IKZF3: variants seen among roughly 807,000 people sequenced by gnomAD.
The protein encoded by IKZF3 is zinc finger protein Aiolos.
Under a neutral mutation model 49.0 loss-of-function variants are expected in IKZF3, and 10 were observed. The observed-to-expected ratio is 0.20, with a 90% CI of 0.13 to 0.35. The LOEUF is 0.35. IKZF3 is among the 10% of genes least tolerant of loss of function. The pLI is 1.00. For synonymous variants in IKZF3, 209 were observed against 228.2 expected (o/e 0.92, Z 0.76); for missense variants, 498 against 664.8 (o/e 0.75, Z 2.76).
At chr17:39,812,102 A>G (rs1017588953) in intron 3 of IKZF3, among the ~76,000 whole-genome samples, 16 of 152,240 alleles carry the variant, frequency 1.1e-4, no homozygotes, top group African/African-American at 3.9e-4. Flanking sequence ...TTGTAACAGT[A>G]TATTAAAAAC....
intron 7 of IKZF3, among the ~76,000 whole-genome samples, chr17:39,772,105 T>C (rs1335635027): frequency 1.3e-5 from 2 of 151,966 alleles, no homozygotes; most frequent in South Asian, 2.1e-4. Context: ...GAGTGAGATA[T>C]TACACAGAAG....
chr17:39,861,478 AG>A (rs2063212469), intron 1 of IKZF3, among the ~76,000 whole-genome samples: 1 of 152,210 alleles, frequency 6.6e-6, no homozygotes. Context: ...ACTGGATTAA[AG>A]GAAGTACAAA....
chr17:39,861,631 T>A (rs1441347327), intron 1 of IKZF3, among the ~76,000 whole-genome samples: 1 of 152,148 alleles, frequency 6.6e-6, no homozygotes, highest in East Asian at 1.9e-4. Context: ...TTATCTCTGT[T>A]AATCTCAGCC....
At chr17:39,781,387 G>A (rs2060737280) in intron 6 of IKZF3, among the ~76,000 whole-genome samples, 1 of 152,000 alleles carries the variant, frequency 6.6e-6, no homozygotes, top group Non-Finnish European at 1.5e-5. Flanking sequence ...ATTTTGAGAA[G>A]ATTAAATCCA....
intron 7 of IKZF3, among the ~76,000 whole-genome samples, 188 bp from the exon 8 acceptor site, chr17:39,766,681 G>T (rs2060301671): frequency 6.6e-6 from 1 of 152,190 alleles, no homozygotes; most frequent in African/African-American, 2.4e-5. Flanking sequence ...GTGTTTGGAT[G>T]GTTAAAATAA....
chr17:39,796,950 G>A (rs1338376929), intron 3 of IKZF3, among the ~76,000 whole-genome samples: 1 of 151,198 alleles, frequency 6.6e-6, no homozygotes, highest in African/African-American at 2.4e-5. Context: ...GGATCATGAG[G>A]TCAGGAGATC....
At chr17:39,835,358 C>A in intron 1 of IKZF3, 1 of 496,286 alleles carries the variant, frequency 2.0e-6, no homozygotes, top group Non-Finnish European at 4.0e-6. Flanking sequence ...GCTTGGACCC[C>A]CTGGCATTGG....
rs2060256473 is a variant in IKZF3 at position 39,765,013 on chromosome 17, G to A, written c.*777C>T. On this transcript the variant is annotated 3_prime_UTR_variant, in exon 8 of 8. Coordinates refer to ENST00000346872, the MANE Select transcript of IKZF3 (RefSeq NM_012481.5). ...CCTTGCTCTGCCAACCTTGACCAAA[G>A]GAAAGCGATGTCATCATCCACAGTG... is the stretch of plus-strand genomic sequence containing the variant. The A allele has an allele frequency of 6.6e-6, 1 of 152,316 alleles. No individual in the cohort carries two copies. The highest frequency in any genetic ancestry group is 1.5e-5 in the Non-Finnish European group (1 of 68,034). 9.4% of individuals were successfully genotyped at this position (152,316 alleles called of 1,614,324 possible).
At chr17:39,806,809 C>T (rs930749013) in intron 3 of IKZF3, among the ~76,000 whole-genome samples, 5 of 152,120 alleles carry the variant, frequency 3.3e-5, no homozygotes, top group Admixed American at 6.6e-5. Flanking sequence ...GAAGGTGTCT[C>T]TTCTGTGTTT....
At chr17:39,811,501 G>A (rs901828503) in intron 3 of IKZF3, among the ~76,000 whole-genome samples, 20 of 152,210 alleles carry the variant, frequency 1.3e-4, no homozygotes, top group African/African-American at 4.8e-4. Context: ...AATGGCAGCA[G>A]TCTTCTAGGC....
intron 3 of IKZF3, among the ~76,000 whole-genome samples, chr17:39,793,481 A>G (rs1482612756): frequency 1.3e-5 from 2 of 152,234 alleles, no homozygotes; most frequent in African/African-American, 2.4e-5. Flanking sequence ...GCTAAAACAC[A>G]TCTTATCTCT....
Position 39,788,299 on chromosome 17 carries a change from C to A in IKZF3, c.668G>T (p.Arg223Leu). The change falls in exon 6 of 8, where the codon CGC (arginine) becomes CTC (leucine). Residue 223 changes from arginine (R) to leucine (L), a missense_variant. This residue lies in a region of IKZF3 where 317 missense variants were observed against 397.3 expected (regional missense o/e 0.80). Coordinates refer to ENST00000346872, the MANE Select transcript of IKZF3 (RefSeq NM_012481.5). ...AGTGCTCTGAAGAAATGTACGGCAG[C>A]GCTCCTTGTGCTCCTCAAGGGAACT... ...QRSSLEEHKE[R>L]CRTFLQSTDP... The A allele has an allele frequency of 6.2e-7, 1 of 1,613,802 alleles. No homozygotes were observed. Among genetic ancestry groups the A allele is most frequent in the Non-Finnish European group, 8.5e-7 (1 of 1,179,784 alleles).
At chr17:39,791,360 AC>A in intron 5 of IKZF3, 55 bp downstream of exon 5, 3 of 1,573,764 alleles carry the variant, frequency 1.9e-6, no homozygotes, top group Non-Finnish European at 2.6e-6. Context: ...TAGTTTCCAC[AC>A]TGGGCTCTGA....
intron 1 of IKZF3, among the ~76,000 whole-genome samples, chr17:39,859,635 C>T (rs538551180): frequency 1.8e-4 from 28 of 152,148 alleles, no homozygotes; most frequent in African/African-American, 5.5e-4. Flanking sequence ...GCAATCTGCC[C>T]GCCTCAGCCT....
intron 1 of IKZF3, among the ~76,000 whole-genome samples, chr17:39,856,531 C>T (rs994057372): frequency 2.0e-5 from 3 of 152,112 alleles, no homozygotes; most frequent in African/African-American, 4.8e-5. Context: ...ACTTTTACAG[C>T]GTGGTGGCTC....
At chr17:39,817,839 G>A (rs1022596011) in intron 3 of IKZF3, among the ~76,000 whole-genome samples, 2 of 152,136 alleles carry the variant, frequency 1.3e-5, no homozygotes, top group Admixed American at 1.3e-4. Flanking sequence ...GTACAGTAGA[G>A]TAGTCCCCCC....
intron 6 of IKZF3, among the ~76,000 whole-genome samples, chr17:39,787,366 TG>T (rs1349576049): frequency 6.6e-6 from 1 of 152,186 alleles, no homozygotes; most frequent in African/African-American, 2.4e-5. Flanking sequence ...TTCAAATCAC[TG>T]AATAAAACAA....
chr17:39,829,993 G>A (rs923066355), intron 2 of IKZF3, among the ~76,000 whole-genome samples: 7 of 152,156 alleles, frequency 4.6e-5, no homozygotes, highest in African/African-American at 9.6e-5. Flanking sequence ...CAGGGTTCAT[G>A]TACCCTCTGA....
chr17:39,853,588 C>T (rs1221240809), intron 1 of IKZF3, among the ~76,000 whole-genome samples: 1 of 152,126 alleles, frequency 6.6e-6, no homozygotes, highest in Non-Finnish European at 1.5e-5. Flanking sequence ...GTAATTCCAG[C>T]ACTTTGGGAG....
Sources: gnomAD v4.1 joint callset for allele counts (sites outside exome capture counted in the v4.1 genomes callset) on GRCh38, gnomAD v4.1.1 for gene constraint, gnomAD v4.1.1 regional missense constraint, MANE v1.5 for transcripts, NCBI Gene and HGNC (gene_info 2026-07-23, HGNC 2026-07-21) for gene names.